Variants in SGCD observed in about 807,000 individuals in gnomAD.
SGCD encodes delta-sarcoglycan.
SGCD carries 18 observed loss-of-function variants against 36.6 expected under a neutral mutation model. The ratio of observed to expected loss-of-function variants is 0.49; its 90% CI spans 0.34 to 0.73. The LOEUF (loss-of-function observed/expected upper bound fraction) is 0.73. Ranked by LOEUF, SGCD falls within the 30% of genes least tolerant of loss-of-function variation. The probability of loss-of-function intolerance (pLI) is 0.01; values close to 1 mark genes in which losing one functional copy is unlikely to be tolerated. For synonymous variants in SGCD, 133 were observed against 130.6 expected (o/e 1.02, Z -0.12); for missense variants, 387 against 346.7 (o/e 1.12, Z -0.92).
At chr5:155,865,969 C>T (rs970697560), upstream of SGCD, among the ~76,000 whole-genome samples, 1 of 152,038 alleles carries the variant, frequency 6.6e-6, no homozygotes, top group African/African-American at 2.4e-5. Context: ...CATAGTTTAT[C>T]TCAGTCATTA....
chr5:156,578,923 T>C (rs1001782287), intron 4 of SGCD, among the ~76,000 whole-genome samples: 2 of 152,244 alleles, frequency 1.3e-5, no homozygotes, highest in African/African-American at 4.8e-5. Context: ...CCTTCAGTTC[T>C]GCTCTGATCT....
chr5:156,330,729 G>T (rs891938523), intron 2 of SGCD, among the ~76,000 whole-genome samples: 4 of 152,152 alleles, frequency 2.6e-5, no homozygotes, highest in African/African-American at 9.7e-5. Context: ...TAACCGAAAA[G>T]GAAGAGGGTG....
At chr5:155,978,547 A>T (rs897105400) in intron 1 of SGCD, among the ~76,000 whole-genome samples, 1 of 152,258 alleles carries the variant, frequency 6.6e-6, no homozygotes, top group Non-Finnish European at 1.5e-5. Context: ...AGATGTGTTA[A>T]CTAATCTGCA....
chr5:155,729,661 A>C, the SGCD span, among the ~76,000 whole-genome samples: 1 of 151,656 alleles, frequency 6.6e-6, no homozygotes, highest in African/African-American at 2.4e-5. Flanking sequence ...GGGGGAGGGG[A>C]ACGGCTCCCT....
intron 6 of SGCD, among the ~76,000 whole-genome samples, chr5:156,639,452 C>A (rs1762948011): frequency 6.6e-6 from 1 of 152,186 alleles, no homozygotes; most frequent in Admixed American, 6.5e-5. Flanking sequence ...CACCTCTGTG[C>A]AGCCTGTGCC....
rs1443622295 is a variant in SGCD at position 156,724,663 on chromosome 5, T to C, written c.576-32918T>C. Among the ~76,000 whole-genome samples, 47 of 152,204 alleles carry C rather than the reference T, an allele frequency of 3.1e-4. 1 individual carries two copies. Among genetic ancestry groups the C allele is most frequent in the Non-Finnish European group, 5.9e-5 (4 of 68,028 alleles). On this transcript the variant is annotated intron_variant, in intron 7 of 8. Coordinates refer to ENST00000337851, the MANE Select transcript of SGCD (RefSeq NM_000337.6). Reference sequence around the variant, plus strand: ...ATATTATTCTAGTGGTTCAGCTTTCTAAAGACTTATTATGGTGGTTGTTTA... The same window carrying C: ...ATATTATTCTAGTGGTTCAGCTTTCCAAAGACTTATTATGGTGGTTGTTTA...
chr5:156,269,265 C>G (rs1183408510), intron 3 of SGCD, among the ~76,000 whole-genome samples: 2 of 151,712 alleles, frequency 1.3e-5, no homozygotes, highest in African/African-American at 4.8e-5. Flanking sequence ...GTCAGGAGAT[C>G]AAGACCATCC....
intron 6 of SGCD, among the ~76,000 whole-genome samples, chr5:156,638,658 C>T (rs1269862753): frequency 1.3e-5 from 2 of 151,994 alleles, no homozygotes; most frequent in Non-Finnish European, 2.9e-5. Flanking sequence ...AAACGATGTA[C>T]TCATAAGAAA....
In SGCD at chr5:155,906,954, C is replaced by A. The variant is rs555066532; in HGVS notation, c.-282+36530C>A. On this transcript the variant is annotated intron_variant, in intron 1 of 9. Coordinates refer to the SGCD transcript ENST00000517913. ...AAGATGTAATATAGTACTTTCATAG[C>A]TAGAGAGAAGAAATAAATGCCTGGT... is the stretch of plus-strand genomic sequence containing the variant. 1.6e-4 allele frequency among the ~76,000 whole-genome samples: 24 copies of A among 151,012 alleles called. No individual in the cohort carries two copies. The South Asian group carries it at 3.4e-3, about 21-fold the overall frequency.
chr5:156,610,156 T>C (rs1222397584), intron 6 of SGCD, among the ~76,000 whole-genome samples: 1 of 152,242 alleles, frequency 6.6e-6, no homozygotes, highest in East Asian at 1.9e-4. Context: ...CTGCTGTTTT[T>C]TCCCCATCTT....
At chr5:155,834,111 T>C in the SGCD span, among the ~76,000 whole-genome samples, 314 of 152,304 alleles carry the variant, frequency 2.1e-3, 3 homozygotes, top group African/African-American at 7.0e-3. Flanking sequence ...CCACATACTA[T>C]CCTGCTCTGG....
At chr5:156,135,376 C>T (rs1231686264) in intron 3 of SGCD, among the ~76,000 whole-genome samples, 1 of 152,114 alleles carries the variant, frequency 6.6e-6, no homozygotes, top group Non-Finnish European at 1.5e-5. Flanking sequence ...TGGTAGCCCT[C>T]ACCTCTCTCA....
chr5:155,788,130 A>G, the SGCD span, among the ~76,000 whole-genome samples: 1,406 of 152,310 alleles, frequency 9.2e-3, 20 homozygotes, highest in African/African-American at 0.032. Context: ...CTGAAAAATA[A>G]CGAGCATTCT....
At chr5:156,148,306 G>A (rs1762754856) in intron 3 of SGCD, among the ~76,000 whole-genome samples, 1 of 152,116 alleles carries the variant, frequency 6.6e-6, no homozygotes, top group African/African-American at 2.4e-5. Flanking sequence ...GGAAACTGGG[G>A]TACCTTTGGG....
intron 3 of SGCD, among the ~76,000 whole-genome samples, chr5:156,492,388 G>A (rs1755985112): frequency 6.6e-6 from 1 of 152,076 alleles, no homozygotes. Flanking sequence ...AGACTCAGGA[G>A]AACTGATGGC....
At chr5:156,111,271 C>T (rs74769305) in intron 1 of SGCD, among the ~76,000 whole-genome samples, 6 of 152,120 alleles carry the variant, frequency 3.9e-5, no homozygotes, top group African/African-American at 1.4e-4. Context: ...AGAAATGATG[C>T]CAAGTGTGGC....
chr5:156,524,094 CTATATATATATATATATATA>C (rs60414987), intron 4 of SGCD, among the ~76,000 whole-genome samples: 875 of 40,540 alleles, frequency 0.022, 23 homozygotes, highest in East Asian at 0.11. Flanking sequence ...TGAGGTCTTA[CTATATATATATATATATATA>C]TATATATATA....
chr5:155,974,308 T>C (rs1307079808), intron 1 of SGCD, among the ~76,000 whole-genome samples: 1 of 152,092 alleles, frequency 6.6e-6, no homozygotes, highest in Non-Finnish European at 1.5e-5. Context: ...GTAATAATGA[T>C]AAAATGCAAC....
At chr5:156,159,079 G>C (rs537413972) in intron 3 of SGCD, among the ~76,000 whole-genome samples, 2 of 151,454 alleles carry the variant, frequency 1.3e-5, no homozygotes, top group Non-Finnish European at 2.9e-5. Flanking sequence ...TTTTATTAGC[G>C]TATGTGACCA....
Sources: gnomAD v4.1 joint callset for allele counts (sites outside exome capture counted in the v4.1 genomes callset) on GRCh38, gnomAD v4.1.1 for gene constraint, MANE v1.5 for transcripts, NCBI Gene and HGNC (gene_info 2026-07-23, HGNC 2026-07-21) for gene names.